The following BHMT2 variants were observed in gnomAD, a reference collection of about 807,000 sequenced individuals.
BHMT2 encodes betaine--homocysteine S-methyltransferase 2.
In BHMT2, 28 loss-of-function variants were observed where a neutral mutation model predicts 39.0. The observed-to-expected ratio is 0.72, with a 90% confidence interval of 0.53 to 0.98. BHMT2 has a LOEUF of 0.98. Ranked by LOEUF, BHMT2 falls within the 50% of genes least tolerant of loss-of-function variation. The probability of loss-of-function intolerance (pLI) is 0.00; values close to 1 mark genes in which losing one functional copy is unlikely to be tolerated. For missense variants in BHMT2, 410 were observed against 455.6 expected (o/e 0.90, Z 0.91); for synonymous variants, 145 against 160.6 (o/e 0.90, Z 0.74).
intron 1 of BHMT2, among the ~76,000 whole-genome samples, chr5:79,071,905 G>A (rs551508227): frequency 6.6e-4 from 100 of 151,830 alleles, no homozygotes; most frequent in Non-Finnish European, 6.9e-4. Flanking sequence ...AGCAGTGAAG[G>A]AAGGGCTAAA....
chr5:79,088,449 G>C, intron 7 of BHMT2, 44 bp from the exon 8 acceptor site: 1 of 1,475,300 alleles, frequency 6.8e-7, no homozygotes, highest in East Asian at 2.5e-5. Context: ...TGGACTTATA[G>C]GTAAGACTTT....
intron 3 of BHMT2, among the ~76,000 whole-genome samples, chr5:79,080,044 T>C (rs989529461): frequency 3.9e-5 from 6 of 152,232 alleles, no homozygotes; most frequent in Non-Finnish European, 7.3e-5. Flanking sequence ...TCATAGATGC[T>C]CTTTTCACCT....
At position 79,086,998 on chromosome 5, in the gene BHMT2, A is replaced by ATG. The variant is rs376885057; in HGVS notation, c.1011-1479_1011-1478dup. Among the ~76,000 whole-genome samples the ATG allele has an allele frequency of 6.0e-3, 753 of 125,338 alleles. 8 individuals are homozygous for ATG. The highest frequency in any genetic ancestry group is 0.023 in the African/African-American group (698 of 30,920). The allele number at this position is 125,338 out of a possible 152,430, so 82.2% of individuals were successfully genotyped here. A position where few individuals can be genotyped will look rare whatever the true frequency, so the allele number is the denominator to read the frequency against. On this transcript the variant is annotated intron_variant, in intron 7 of 7. Transcript: ENST00000255192. Reference sequence around the variant, plus strand: ...CATATAGATAATCTTTTGTGTATGTATGTGTGTGTGTGTGTGTATATATAT... The same window carrying ATG: ...CATATAGATAATCTTTTGTGTATGTATGTGTGTGTGTGTGTGTGTATATATAT...
rs1336803942 is a variant in BHMT2, at chr5:79,088,729, A to G, written c.*155A>G. ...GCAGCCCCTTCCCTTCCAGCCCACA[A>G]GTGTGTGCATATTGAGCTCCTGCTG... On this transcript the variant is annotated 3_prime_UTR_variant, in exon 8 of 8. Transcript: ENST00000255192. 2 of 598,046 alleles carry G rather than the reference A, an allele frequency of 3.3e-6. No homozygotes were observed. The highest frequency in any genetic ancestry group is 6.1e-6 in the Non-Finnish European group (2 of 329,664). 37.0% of individuals were successfully genotyped at this position (598,046 alleles called of 1,614,324 possible). A position where few individuals can be genotyped will look rare whatever the true frequency, so the allele number is the denominator to read the frequency against.
intron 1 of BHMT2, among the ~76,000 whole-genome samples, chr5:79,072,398 T>C (rs558431548): frequency 6.6e-6 from 1 of 152,328 alleles, no homozygotes; most frequent in Admixed American, 6.5e-5. Flanking sequence ...ATACTACAAT[T>C]TTCTTAAAAC....
rs1580251736 is a variant in BHMT2, at chr5:79,081,622, G to C, written c.450+744G>C. On this transcript the variant is annotated intron_variant, in intron 4 of 7. Coordinates refer to ENST00000255192, the MANE Select transcript of BHMT2 (RefSeq NM_017614.5). ...CACCTGTAATCCCAGCACTTTGGGAGGCCAAGGCAGGTGGATGGCATGAGG... is the reference window on the plus strand; with the variant it reads ...CACCTGTAATCCCAGCACTTTGGGACGCCAAGGCAGGTGGATGGCATGAGG... 6.6e-5 allele frequency among the ~76,000 whole-genome samples: 10 copies of C among 152,266 alleles called. No individual in the cohort carries two copies. The South Asian group carries it at 2.1e-3, about 32-fold the overall frequency.
chr5:79,077,255 T>C (rs1012857168), intron 1 of BHMT2, among the ~76,000 whole-genome samples: 2 of 152,262 alleles, frequency 1.3e-5, no homozygotes, highest in Non-Finnish European at 2.9e-5. Context: ...GATTAAATGT[T>C]ATTTAAGAAT....
At chr5:79,072,194 G>A (rs148002487) in intron 1 of BHMT2, among the ~76,000 whole-genome samples, 1 of 152,036 alleles carries the variant, frequency 6.6e-6, no homozygotes, top group Non-Finnish European at 1.5e-5. Context: ...TTGAACCCTG[G>A]AGGTGGAGGT....
In BHMT2 at chr5:79,089,135, T is replaced by C. The variant is rs1755967559; in HGVS notation, c.*561T>C. 1 of 152,242 alleles carries C rather than the reference T, an allele frequency of 6.6e-6. No homozygotes were observed. Among genetic ancestry groups the C allele is most frequent in the Non-Finnish European group, 1.5e-5 (1 of 68,082 alleles). The allele number at this position is 152,242 out of a possible 1,614,324, so 9.4% of individuals were successfully genotyped here. A position where few individuals can be genotyped will look rare whatever the true frequency, so the allele number is the denominator to read the frequency against. ...TGTTTAACTATCCAAAGTGATTACT[T>C]TCAAAGATGATTTTTACTTAAAGAT... On this transcript the variant is annotated 3_prime_UTR_variant, in exon 8 of 8. Transcript: ENST00000255192.
chr5:79,086,234 C>T (rs1365244600), intron 7 of BHMT2, among the ~76,000 whole-genome samples: 1 of 152,186 alleles, frequency 6.6e-6, no homozygotes, highest in Admixed American at 6.5e-5. Context: ...TCATTAGGCT[C>T]AAAACAGCTT....
chr5:79,077,324 G>A (rs1755690058), intron 1 of BHMT2, among the ~76,000 whole-genome samples, 156 bp from the exon 2 acceptor site: 1 of 152,002 alleles, frequency 6.6e-6, no homozygotes, highest in African/African-American at 2.4e-5. Flanking sequence ...AAGAAATATG[G>A]TATGCTCAAT....
At position 79,069,779 on chromosome 5, in the gene BHMT2, C is replaced by T; in HGVS notation, c.-4C>T. On this transcript the variant is annotated 5_prime_UTR_variant, in exon 1 of 8. Transcript: ENST00000255192. ...GAACCCGGCGCCCACAGAGCCGCGGCACCATGGCACCTGCTGGACGCCCGG... is the reference window on the plus strand; with the variant it reads ...GAACCCGGCGCCCACAGAGCCGCGGTACCATGGCACCTGCTGGACGCCCGG... 2 of 1,426,952 alleles carry T rather than the reference C, an allele frequency of 1.4e-6. No individual in the cohort carries two copies. Among genetic ancestry groups the T allele is most frequent in the Non-Finnish European group, 1.8e-6 (2 of 1,083,280 alleles). 88.4% of individuals were successfully genotyped at this position (1,426,952 alleles called of 1,614,324 possible). A position where few individuals can be genotyped will look rare whatever the true frequency, so the allele number is the denominator to read the frequency against.
In BHMT2 at chr5:79,083,650, C is replaced by A. The variant is rs1274050283; in HGVS notation, c.804C>A (p.Thr268=). 6.2e-7 allele frequency: 1 copy of A among 1,613,926 alleles called. No individual in the cohort carries two copies. Among genetic ancestry groups the A allele is most frequent in the Non-Finnish European group, 8.5e-7 (1 of 1,179,924 alleles). Reference sequence around the variant, plus strand: ...CAGGACTGGAGTCCAGAGTTGCCACCAGATGGGATATTCAAAAATACGCCA... The same window carrying A: ...CAGGACTGGAGTCCAGAGTTGCCACAAGATGGGATATTCAAAAATACGCCA... ...YPFGLESRVA[T]RWDIQKYARE... The change falls in exon 7 of 8, where the codon ACC becomes ACA. Residue 268 remains threonine, a synonymous_variant. Transcript: ENST00000255192.
chr5:79,075,092 G>A (rs1001757983), intron 1 of BHMT2, among the ~76,000 whole-genome samples: 10 of 152,184 alleles, frequency 6.6e-5, no homozygotes, highest in African/African-American at 2.4e-4. Context: ...CTACTGTAGT[G>A]GAAAAGTGGC....
intron 4 of BHMT2, 151 bp downstream of exon 4, chr5:79,081,029 C>T (rs1225360428): frequency 3.0e-6 from 2 of 672,582 alleles, no homozygotes; most frequent in Non-Finnish European, 4.7e-6. Context: ...GTAGTCAAGG[C>T]CAACATTCCC....
chr5:79,073,254 G>T (rs113869725), intron 1 of BHMT2, among the ~76,000 whole-genome samples: 1 of 152,126 alleles, frequency 6.6e-6, no homozygotes, highest in South Asian at 2.1e-4. Context: ...GTGAGCCACC[G>T]CGCCTGGCCT....
intron 1 of BHMT2, among the ~76,000 whole-genome samples, chr5:79,076,197 C>T (rs908776903): frequency 6.6e-6 from 1 of 152,142 alleles, no homozygotes; most frequent in Admixed American, 6.5e-5. Flanking sequence ...TCAGGCCGCT[C>T]AGCAGCCAGA....
At chr5:79,072,905 TACA>T (rs200020999) in intron 1 of BHMT2, among the ~76,000 whole-genome samples, 2,211 of 151,930 alleles carry the variant, frequency 0.015, 41 homozygotes, top group Admixed American at 0.021. Context: ...GAAGCTAACC[TACA>T]ACATCTGAAT....
chr5:79,088,083 G>T (rs1755934105), intron 7 of BHMT2, among the ~76,000 whole-genome samples: 1 of 152,188 alleles, frequency 6.6e-6, no homozygotes. Context: ...GGGGGGCTGA[G>T]GCAGGAGGAT....
Sources: gnomAD v4.1 joint callset for allele counts (sites outside exome capture counted in the v4.1 genomes callset) on GRCh38, gnomAD v4.1.1 for gene constraint, MANE v1.5 for transcripts, NCBI Gene and HGNC (gene_info 2026-07-23, HGNC 2026-07-21) for gene names.